Variants in SBNO2 observed in about 807,000 individuals in gnomAD.
SBNO2 encodes the protein strawberry notch homolog 2, also known as protein strawberry notch homolog 2.
In SBNO2, 89 loss-of-function variants were observed where a neutral mutation model predicts 146.3. That is an observed-to-expected ratio of 0.61 (90% CI 0.51 to 0.73). The LOEUF (loss-of-function observed/expected upper bound fraction) is 0.73. SBNO2 is among the 30% of genes least tolerant of loss of function. SBNO2 has a pLI of 0.00. For synonymous variants in SBNO2, 1,147 were observed against 892.6 expected, an observed-to-expected ratio of 1.29 and a Z score of -5.08; for missense variants, 2,092 against 2,003.7, an observed-to-expected ratio of 1.04 and a Z score of -0.84.
chr19:1,143,477 A>G (rs1473950571), intron 4 of SBNO2, among the ~76,000 whole-genome samples: 1 of 152,196 alleles, frequency 6.6e-6, no homozygotes, highest in Admixed American at 6.5e-5. Context: ...GTCTCTAAAA[A>G]TAAAAATTAA....
In SBNO2 at chr19:1,149,441, C is replaced by T. The variant is rs376976785; in HGVS notation, c.95G>A (p.Ser32Asn). 1.9e-6 allele frequency: 3 copies of T among 1,551,592 alleles called. No homozygotes were observed. Residue 32 changes from serine (S) to asparagine (N), a missense_variant and splice_region_variant, in exon 3 of 32, where the codon AGC (serine) becomes AAC (asparagine). Ser to Asn is a conservative substitution (Grantham distance 46). Coordinates refer to ENST00000361757, the MANE Select transcript of SBNO2 (RefSeq NM_014963.3). ...SLLYSPPPLQ[S>N]AMLHCPYWNT... ...CCAGTAGGGGCAGTGCAGCATGGCG[C>T]TCTAGAAGAGACAGCGGGCATCAGT...
rs1599845563 is a variant in SBNO2, at chr19:1,127,609, C to G, written c.436G>C (p.Asp146His). 1.2e-6 allele frequency: 2 copies of G among 1,612,244 alleles called. No individual in the cohort carries two copies. Among genetic ancestry groups the G allele is most frequent in the Non-Finnish European group, 1.7e-6 (2 of 1,179,776 alleles). ...GGGGCACCGGGCGCACTGACCTTAT[C>G]GTGGGTGGAGGGGGCAGGGTTATCG... is the stretch of plus-strand genomic sequence containing the variant. ...WDDNPAPSTH[D>H]KLFQLSRPFA... Residue 146 changes from aspartate to histidine, a missense_variant, in exon 5 of 32, where the codon GAT becomes CAT. Transcript: ENST00000361757.
rs745866153 is a variant in SBNO2 at position 1,119,085 on chromosome 19, C to T, written c.1453G>A (p.Gly485Ser). Residue 485 changes from glycine to serine, a missense_variant, in exon 14 of 32, where the codon GGC becomes AGC. Coordinates refer to ENST00000361757, the MANE Select transcript of SBNO2 (RefSeq NM_014963.3). ...ATCTCCTCGATGCGGAAGGTGACGCCGGAGAAGCTGAGCTGGCGTGCGATG... is the reference window on the plus strand; with the variant it reads ...ATCTCCTCGATGCGGAAGGTGACGCTGGAGAAGCTGAGCTGGCGTGCGATG... ...MYIARQLSFS[G>S]VTFRIEEIPL... 5 of 1,605,948 alleles carry T rather than the reference C, an allele frequency of 3.1e-6. No individual in the cohort carries two copies. The highest frequency in any genetic ancestry group is 2.2e-5 in the East Asian group (1 of 44,562).
Position 1,109,809 on chromosome 19 carries a change from C to G in SBNO2, c.3029-32G>C. Reference sequence around the variant, plus strand: ...GGGCGGGTGGAGGGTAAGTGGTGTCCAGGCCTGGGACTGTGGGCTGGGGCC... The same window carrying G: ...GGGCGGGTGGAGGGTAAGTGGTGTCGAGGCCTGGGACTGTGGGCTGGGGCC... On this transcript the variant is annotated intron_variant, in intron 26 of 31. Transcript: ENST00000361757. This position sits in a 1 kb window ranked among gnomAD's most constrained non-coding sequence, Gnocchi z 4.2. 6.6e-7 allele frequency: 1 copy of G among 1,515,798 alleles called. No homozygotes were observed. The highest frequency in any genetic ancestry group is 9.0e-7 in the Non-Finnish European group (1 of 1,109,632). The allele number at this position is 1,515,798 out of a possible 1,614,324, so 93.9% of individuals were successfully genotyped here. A position where few individuals can be genotyped will look rare whatever the true frequency, so the allele number is the denominator to read the frequency against.
Position 1,122,473 on chromosome 19 carries a change from T to C in SBNO2, c.1000A>G (p.Ser334Gly), listed in dbSNP as rs745942960. ...TTGCCGAGCACAGCCCCTACCTTGC[T>C]GAGCGCGTGCACCGCGATGCCCGTG... ...EATGIAVHAL[S>G]KIKYGDTTTS... The change falls in exon 10 of 32, where the codon AGC becomes GGC. Residue 334 changes from serine (S) to glycine (G), a missense_variant. Ser to Gly is a moderately conservative substitution (Grantham distance 56). Coordinates refer to ENST00000361757, the MANE Select transcript of SBNO2 (RefSeq NM_014963.3). The C allele has an allele frequency of 1.9e-6, 3 of 1,571,444 alleles. No individual in the cohort carries two copies. The highest frequency in any genetic ancestry group is 2.6e-6 in the Non-Finnish European group (3 of 1,160,446).
chr19:1,123,147 C>A (rs560365421), intron 7 of SBNO2, 102 bp from the exon 8 acceptor site: 3 of 1,382,352 alleles, frequency 2.2e-6, no homozygotes, highest in Non-Finnish European at 3.0e-6. Context: ...CCAGAGCTGG[C>A]GGGGCAGTTT....
At chr19:1,114,506 G>C in intron 17 of SBNO2, 84 bp from the exon 18 acceptor site, 1 of 1,208,890 alleles carries the variant, frequency 8.3e-7, no homozygotes, top group Non-Finnish European at 1.1e-6. Context: ...GACAGAGCAA[G>C]GCCAGTGGTC....
At chr19:1,115,281 C>T (rs2145202720) in intron 17 of SBNO2, 1 of 151,864 alleles carries the variant, frequency 6.6e-6, no homozygotes, top group South Asian at 2.1e-4. Context: ...TTTTCTGTCA[C>T]CCAAGTTGGA....
intron 4 of SBNO2, among the ~76,000 whole-genome samples, chr19:1,133,220 A>ACGAGACCGCGGC (rs1354100449): frequency 6.6e-6 from 1 of 150,740 alleles, no homozygotes; most frequent in African/African-American, 2.5e-5. Context: ...CGCATTGCCC[A>ACGAGACCGCGGC]CGAGACCGCG....
intron 1 of SBNO2, among the ~76,000 whole-genome samples, chr19:1,172,835 G>T (rs1239725026): frequency 7.5e-6 from 1 of 132,870 alleles, no homozygotes; most frequent in Admixed American, 8.7e-5. Context: ...CTCCGAGGCC[G>T]GGCACTCTCG....
At chr19:1,119,372 C>T (rs772441297) in intron 13 of SBNO2, 144 bp downstream of exon 13, 188 of 856,864 alleles carry the variant, frequency 2.2e-4, no homozygotes, top group South Asian at 2.9e-4. Flanking sequence ...CTGGGCAGCC[C>T]GAGGCAGTGA....
chr19:1,114,210 C>T (rs1220308774), intron 18 of SBNO2, 21 bp downstream of exon 18: 2 of 1,425,582 alleles, frequency 1.4e-6, no homozygotes, highest in African/African-American at 1.5e-5. Flanking sequence ...AGGTGGCTGG[C>T]CAGCCTGGGC....
In SBNO2 at chr19:1,108,308, C is replaced by G. The variant is rs749322557; in HGVS notation, c.4013G>C (p.Gly1338Ala). Residue 1338 changes from glycine (G) to alanine (A), a missense_variant, in exon 32 of 32, where the codon GGG (glycine) becomes GCG (alanine). Gly to Ala is a moderately conservative substitution (Grantham distance 60, BLOSUM62 0). Coordinates refer to ENST00000361757, the MANE Select transcript of SBNO2 (RefSeq NM_014963.3). ...PSEGALGEGA[G>A]AGGAAGGGPE... ...ACCACCGCCCGCCGCGCCCCCCGCC[C>G]CCGCGCCCTCCCCCAGCGCGCCCTC... The G allele has an allele frequency of 1.4e-6, 2 of 1,457,952 alleles. No homozygotes were observed. Among genetic ancestry groups the G allele is most frequent in the Non-Finnish European group, 1.8e-6 (2 of 1,101,070 alleles). 90.3% of individuals were successfully genotyped at this position (1,457,952 alleles called of 1,614,324 possible). A position where few individuals can be genotyped will look rare whatever the true frequency, so the allele number is the denominator to read the frequency against.
intron 1 of SBNO2, among the ~76,000 whole-genome samples, chr19:1,156,658 A>G (rs2080292071): frequency 6.6e-6 from 1 of 152,064 alleles, no homozygotes; most frequent in African/African-American, 2.4e-5. Flanking sequence ...GTGCCAGAAC[A>G]CGACACAGCC....
chr19:1,120,453 G>T lies in SBNO2; in HGVS notation c.1150-430C>A, dbSNP rs370372759. On this transcript the variant is annotated intron_variant, in intron 11 of 31. Transcript: ENST00000361757. Reference sequence around the variant, plus strand: ...ACAATGTCAGCTCACTGCAACCTCTGCCTCTCAGATTCAAGTGATTCTCCT... The same window carrying T: ...ACAATGTCAGCTCACTGCAACCTCTTCCTCTCAGATTCAAGTGATTCTCCT... Among the ~76,000 whole-genome samples the T allele has an allele frequency of 9.8e-5, 15 of 152,290 alleles. No homozygotes were observed. The East Asian group carries it at 1.9e-3, about 20-fold the overall frequency.
chr19:1,171,716 C>T (rs1019655750), intron 1 of SBNO2, among the ~76,000 whole-genome samples: 18 of 152,188 alleles, frequency 1.2e-4, no homozygotes, highest in African/African-American at 4.1e-4. Flanking sequence ...CCAAGCTGGT[C>T]ACACCCCTCA....
chr19:1,117,197 C>T, intron 15 of SBNO2, 126 bp downstream of exon 15: 2 of 1,004,258 alleles, frequency 2.0e-6, no homozygotes. Flanking sequence ...ATCCGGGCGT[C>T]TCTCACCCAC....
At chr19:1,145,096 C>A (rs143165520) in intron 4 of SBNO2, among the ~76,000 whole-genome samples, 1 of 148,266 alleles carries the variant, frequency 6.7e-6, no homozygotes, top group African/African-American at 2.5e-5. Flanking sequence ...GGGAGATAGG[C>A]AGAGAGAGAT....
intron 11 of SBNO2, among the ~76,000 whole-genome samples, chr19:1,121,764 C>T (rs2079903477): frequency 6.6e-6 from 1 of 152,180 alleles, no homozygotes; most frequent in Non-Finnish European, 1.5e-5. Flanking sequence ...CTGCCCACGG[C>T]ATCATGGCAA....
Sources: allele counts gnomAD v4.1 joint callset (sites outside exome capture counted in the v4.1 genomes callset), GRCh38; gene constraint gnomAD v4.1.1; non-coding constraint Gnocchi (gnomAD v3.1); transcripts MANE v1.5; gene names NCBI Gene and HGNC (gene_info 2026-07-23, HGNC 2026-07-21).